The following ZNF219 variants were observed in gnomAD, a reference collection of about 807,000 sequenced individuals.
The protein encoded by ZNF219 is zinc finger protein 219.
ZNF219 carries 17 observed loss-of-function variants against 54.4 expected under a neutral mutation model. The ratio of observed to expected loss-of-function variants is 0.31; its 90% CI spans 0.21 to 0.47. The LOEUF (loss-of-function observed/expected upper bound fraction) is 0.47, where lower values mean the gene tolerates loss of function less well. ZNF219 is among the 20% of genes least tolerant of loss of function. The pLI is 1.00. For missense variants in ZNF219, 1,014 were observed against 1,062.3 expected, an observed-to-expected ratio of 0.95 and a Z score of 0.63; for synonymous variants, 518 against 476.4, an observed-to-expected ratio of 1.09 and a Z score of -1.14.
Position 21,092,452 on chromosome 14 carries a change from C to T in ZNF219, c.845G>A (p.Ser282Asn), listed in dbSNP as rs1375479818. 23 of 1,560,196 alleles carry T rather than the reference C, an allele frequency of 1.5e-5. No individual in the cohort carries two copies. The highest frequency in any genetic ancestry group is 2.0e-5 in the Non-Finnish European group (23 of 1,152,252). Residue 282 changes from serine (S) to asparagine (N), a missense_variant, in exon 3 of 5, where the codon AGC becomes AAC. Physicochemically the swap from Ser to Asn is conservative, Grantham distance 46. Transcript: ENST00000360947. ...PEFRCQVCGQSFTQSWFLKGH... is the reference protein window; with the variant it reads ...PEFRCQVCGQNFTQSWFLKGH... ...CTTGAGAAACCAAGACTGTGTAAAG[C>T]TCTGGCCGCACACTTGGCAGCGGAA...
In ZNF219 at chr14:21,090,816, G is replaced by T; in HGVS notation, c.1889C>A (p.Ser630Tyr). 1 of 1,566,872 alleles carries T rather than the reference G, an allele frequency of 6.4e-7. No individual in the cohort carries two copies. The highest frequency in any genetic ancestry group is 8.6e-7 in the Non-Finnish European group (1 of 1,156,368). ...RGGEAEPLDL[S>Y]LRAGPGGEAG... Reference sequence around the variant, plus strand: ...CTCGCCTCCCGGCCCTGCCCGCAAGGACAGGTCCAGGGGTTCGGCCTCACC... The same window carrying T: ...CTCGCCTCCCGGCCCTGCCCGCAAGTACAGGTCCAGGGGTTCGGCCTCACC... The change falls in exon 5 of 5, where the codon TCC becomes TAC. Residue 630 changes from serine to tyrosine, a missense_variant. Physicochemically the swap from Ser to Tyr is moderately radical, Grantham distance 144. Transcript: ENST00000360947. The surrounding 1 kb of genome is among the most constrained non-coding windows in gnomAD (Gnocchi z 4.4).
At position 21,091,077 on chromosome 14, in the gene ZNF219, T is replaced by A; in HGVS notation, c.1628A>T (p.Tyr543Phe). ...CTCCCGGTGGTGGCGCTGTAGGTGA[T>A]ACTTGAGCGAGCCGGACTGGGTGCC... The part of the protein sequence containing the change: ...YAGTQSGSLK[Y>F]HLQRHHREQR... The change falls in exon 5 of 5, where the codon TAT becomes TTT. Residue 543 changes from tyrosine to phenylalanine, a missense_variant. Coordinates refer to ENST00000360947, the MANE Select transcript of ZNF219 (RefSeq NM_016423.3). The A allele has an allele frequency of 6.4e-7, 1 of 1,569,928 alleles. No homozygotes were observed. The highest frequency in any genetic ancestry group is 8.6e-7 in the Non-Finnish European group (1 of 1,162,546).
At chr14:21,095,924 A>G (rs1889258381) in intron 1 of ZNF219, among the ~76,000 whole-genome samples, 1 of 152,122 alleles carries the variant, frequency 6.6e-6, no homozygotes, top group Non-Finnish European at 1.5e-5. Flanking sequence ...GGAATGAGTT[A>G]CTGAGGCATC....
At chr14:21,103,002 C>A (rs1889743550), upstream of ZNF219, 1 of 1,443,926 alleles carries the variant, frequency 6.9e-7, no homozygotes, top group Non-Finnish European at 9.4e-7. Context: ...AGTGGGAAAG[C>A]ATTAGGAAGC....
chr14:21,101,717 T>C, upstream of ZNF219: 2 of 692,182 alleles, frequency 2.9e-6, no homozygotes, highest in South Asian at 3.9e-5. Context: ...TGATACTTAA[T>C]TTTTAATGAT....
chr14:21,091,717 A>G, intron 3 of ZNF219, 148 bp downstream of exon 3: 1 of 1,441,790 alleles, frequency 6.9e-7, no homozygotes, highest in Non-Finnish European at 9.1e-7. Flanking sequence ...ATGATGGCAA[A>G]GCCTCCAGGA....
rs113186130 is a variant in ZNF219 at position 21,093,064 on chromosome 14, G to A, written c.233C>T (p.Ala78Val). 6.2e-7 allele frequency: 1 copy of A among 1,600,284 alleles called. No homozygotes were observed. Among genetic ancestry groups the A allele is most frequent in the East Asian group, 2.2e-5 (1 of 44,516 alleles). The change falls in exon 3 of 5, where the codon GCG becomes GTG. Residue 78 changes from alanine to valine, a missense_variant. Transcript: ENST00000360947. ...FNSILALHLR[A>V]HPGAQAFQCP... The stretch of plus-strand genomic sequence containing the variant: ...CTGGAAGGCCTGGGCTCCTGGGTGC[G>A]CCCGCAGGTGCAAAGCAAGGATAGA...
In ZNF219 at chr14:21,094,907, CTTTT is replaced by C. The variant is rs59112788; in HGVS notation, c.-83-1237_-83-1234del. ...AAGGCTAAATGAATGTGGGTCTAAC[CTTTT>C]TTTTTTTTTTTTTTTGTCTAAGAAA... On this transcript the variant is annotated intron_variant, in intron 1 of 4. Transcript: ENST00000360947. 4.1e-3 allele frequency among the ~76,000 whole-genome samples: 515 copies of C among 125,104 alleles called. 5 individuals carry two copies. The highest frequency in any genetic ancestry group is 0.017 in the South Asian group (68 of 4,032). 82.1% of individuals were successfully genotyped at this position (125,104 alleles called of 152,430 possible).
At chr14:21,104,078 C>G (rs1456273305) in intron 1 of ZNF219, 1 of 152,356 alleles carries the variant, frequency 6.6e-6, no homozygotes, top group Non-Finnish European at 1.5e-5. Flanking sequence ...GGGCCTTTCT[C>G]GTCCCCTCCC....
chr14:21,097,889 G>C (rs1450865173), intron 1 of ZNF219, among the ~76,000 whole-genome samples: 1 of 147,342 alleles, frequency 6.8e-6, no homozygotes, highest in Non-Finnish European at 1.5e-5. Context: ...AGCCCTACCT[G>C]GGCCGGGGGT....
intron 1 of ZNF219, chr14:21,094,356 G>A (rs1402928710): frequency 2.2e-6 from 1 of 455,888 alleles, no homozygotes; most frequent in Admixed American, 2.3e-5. Context: ...AAGGGGCACA[G>A]CTAGCCTGGG....
Position 21,092,406 on chromosome 14 carries a change from C to T in ZNF219, c.891G>A (p.Lys297=). 1 of 1,567,982 alleles carries T rather than the reference C, an allele frequency of 6.4e-7. No individual in the cohort carries two copies. The highest frequency in any genetic ancestry group is 8.6e-7 in the Non-Finnish European group (1 of 1,156,698). Residue 297 remains lysine (K), a synonymous_variant, in exon 3 of 5, where the codon AAG becomes AAA. Coordinates refer to ENST00000360947, the MANE Select transcript of ZNF219 (RefSeq NM_016423.3). The part of the protein sequence containing the change: ...WFLKGHMRKH[K]ASFDHACPVC... ...CCGGACACGCATGATCGAAGGAGGCCTTGTGCTTACGCATGTGGCCCTTGA... is the reference window on the plus strand; with the variant it reads ...CCGGACACGCATGATCGAAGGAGGCTTTGTGCTTACGCATGTGGCCCTTGA...
At chr14:21,101,649 G>A (rs1594611421), upstream of ZNF219, 4 of 656,040 alleles carry the variant, frequency 6.1e-6, no homozygotes, top group Admixed American at 8.9e-5. Flanking sequence ...CTTCCATCTT[G>A]TGGGGGAAAA....
chr14:21,102,065 G>A (rs762619558), upstream of ZNF219: 3 of 1,551,388 alleles, frequency 1.9e-6, no homozygotes, highest in South Asian at 3.6e-5. Context: ...ACCATTCAGG[G>A]TCTCCTCACT....
intron 1 of ZNF219, among the ~76,000 whole-genome samples, chr14:21,097,846 CAG>C (rs1340611840): frequency 6.6e-6 from 1 of 151,444 alleles, no homozygotes; most frequent in African/African-American, 2.4e-5. Context: ...CCCGTGCTTC[CAG>C]AGAGTTTGGG....
intron 1 of ZNF219, chr14:21,094,315 T>C: frequency 6.6e-6 from 3 of 451,212 alleles, no homozygotes; most frequent in South Asian, 4.7e-5. Context: ...GGAGAGGGAA[T>C]GAAGAGAGAG....
Position 21,091,553 on chromosome 14 carries a change from T to A in ZNF219, c.1433-11A>T, listed in dbSNP as rs376166970. 1 of 1,589,562 alleles carries A rather than the reference T, an allele frequency of 6.3e-7. No individual in the cohort carries two copies. The highest frequency in any genetic ancestry group is 8.6e-7 in the Non-Finnish European group (1 of 1,161,306). ...ACAGCCCATTCTCTTCTGCAACACA[T>A]ACGTTAAGAGGAAGTCAGGGGGGCC... On this transcript the variant is annotated splice_polypyrimidine_tract_variant and intron_variant, in intron 3 of 4. Transcript: ENST00000360947.
rs1889034049 is a variant in ZNF219, at chr14:21,092,832, G to A, written c.465C>T (p.Pro155=). The change falls in exon 3 of 5, where the codon CCC becomes CCT. Residue 155 remains proline (P), a synonymous_variant. Transcript: ENST00000360947. ...GGAAGGCGGACGATGAAGGAGCCTG[G>A]GGCCGCGCCAGACCCTCAGTGGCAG... ...ATPATEGLAR[P]QAPSSSAFRC... is the part of the protein sequence containing the mutation. 2 of 1,571,376 alleles carry A rather than the reference G, an allele frequency of 1.3e-6. No individual in the cohort carries two copies. Among genetic ancestry groups the A allele is most frequent in the South Asian group, 1.2e-5 (1 of 84,150 alleles).
Position 21,092,623 on chromosome 14 carries a change from G to T in ZNF219, c.674C>A (p.Ala225Glu). ...PERPLAATSAAPPPQPQPQPP... is the reference protein window; with the variant it reads ...PERPLAATSAEPPPQPQPQPP... ...CTGAGGCTGAGGCTGAGGCGGAGGC[G>T]CAGCGGAGGTGGCCGCCAGGGGACG... The change falls in exon 3 of 5, where the codon GCG becomes GAG. Residue 225 changes from alanine to glutamate, a missense_variant. Ala to Glu is a moderately radical substitution (Grantham distance 107). Coordinates refer to ENST00000360947, the MANE Select transcript of ZNF219 (RefSeq NM_016423.3). 1 of 1,555,310 alleles carries T rather than the reference G, an allele frequency of 6.4e-7. No individual in the cohort carries two copies. The highest frequency in any genetic ancestry group is 2.4e-5 in the East Asian group (1 of 42,478).
Sources: allele counts gnomAD v4.1 joint callset (sites outside exome capture counted in the v4.1 genomes callset), GRCh38; gene constraint gnomAD v4.1.1; non-coding constraint Gnocchi (gnomAD v3.1); transcripts MANE v1.5; gene names NCBI Gene and HGNC (gene_info 2026-07-23, HGNC 2026-07-21).